TCF12: variants seen among roughly 807,000 people sequenced by gnomAD.
TCF12 encodes DNA-binding protein HTF4.
Under a neutral mutation model 86.0 loss-of-function variants are expected in TCF12, and 45 were observed. The observed-to-expected ratio is 0.52, with a 90% CI of 0.41 to 0.67. The LOEUF (loss-of-function observed/expected upper bound fraction) is 0.67. Ranked by LOEUF, TCF12 falls within the 30% of genes least tolerant of loss-of-function variation. TCF12 has a pLI of 0.00. For synonymous variants in TCF12, 330 were observed against 299.6 expected (o/e 1.10, Z -1.05); for missense variants, 881 against 859.9 (o/e 1.02, Z -0.31).
intron 8 of TCF12, among the ~76,000 whole-genome samples, chr15:57,225,920 T>C (rs2151895243): frequency 6.6e-6 from 1 of 152,106 alleles, no homozygotes; most frequent in Admixed American, 6.5e-5. Flanking sequence ...GCAGGTTAGT[T>C]ACATATGTAT....
intron 6 of TCF12, among the ~76,000 whole-genome samples, chr15:57,184,357 A>T (rs2056542183): frequency 6.6e-6 from 1 of 152,086 alleles, no homozygotes; most frequent in Non-Finnish European, 1.5e-5. Context: ...TGGTTTTTTG[A>T]CCCCTAATAT....
intron 5 of TCF12, among the ~76,000 whole-genome samples, chr15:57,104,993 C>T (rs1567432655): frequency 6.6e-6 from 1 of 151,178 alleles, no homozygotes; most frequent in Non-Finnish European, 1.5e-5. Context: ...CCTGCCTCAG[C>T]CTCCCAAGTA....
Position 56,983,630 on chromosome 15 carries a change from A to G in TCF12, c.148+62532A>G, listed in dbSNP as rs1210950105. On this transcript the variant is annotated intron_variant, in intron 3 of 20. Coordinates refer to ENST00000333725, the MANE Select transcript of TCF12 (RefSeq NM_207037.2). ...TCTGAATTGAAAAATACTAATATGC[A>G]TTTCAGTTCAGGTCAGGTTTTACCG... is the stretch of plus-strand genomic sequence containing the variant. Among the ~76,000 whole-genome samples, 2 of 152,118 alleles carry G rather than the reference A, an allele frequency of 1.3e-5. 1 individual carries two copies. Among genetic ancestry groups the G allele is most frequent in the African/African-American group, 4.8e-5 (2 of 41,422 alleles).
rs150874844 is a variant in TCF12, at chr15:57,155,965, A to G, written c.326-10437A>G. 7.1e-3 allele frequency among the ~76,000 whole-genome samples: 1,084 copies of G among 152,322 alleles called. 12 individuals are homozygous for G. Among genetic ancestry groups the G allele is most frequent in the African/African-American group, 0.025 (1,034 of 41,572 alleles). Reference sequence around the variant, plus strand: ...AATGTGCTTCATTTCTATATTACATAGGTAGAGGCTGTTGAGTCTCAGTAA... The same window carrying G: ...AATGTGCTTCATTTCTATATTACATGGGTAGAGGCTGTTGAGTCTCAGTAA... On this transcript the variant is annotated intron_variant, in intron 5 of 20. Transcript: ENST00000333725.
chr15:57,248,206 GC>G (rs2059949652), intron 13 of TCF12: 4 of 647,278 alleles, frequency 6.2e-6, no homozygotes, highest in Non-Finnish European at 8.2e-6. Flanking sequence ...TAATGCAGTT[GC>G]TTGCAAGAGA....
At chr15:57,224,185 C>G (rs114206795) in intron 8 of TCF12, among the ~76,000 whole-genome samples, 1,756 of 152,066 alleles carry the variant, frequency 0.012, 31 homozygotes, top group African/African-American at 0.04. Context: ...GTGTTCCTTT[C>G]CACTTGTATA....
chr15:56,967,524 C>T (rs1440344863), intron 3 of TCF12, among the ~76,000 whole-genome samples: 1 of 152,146 alleles, frequency 6.6e-6, no homozygotes, highest in East Asian at 1.9e-4. Flanking sequence ...CTGTTTAATT[C>T]ATTGAGTGAG....
downstream of TCF12, among the ~76,000 whole-genome samples, chr15:57,290,638 A>T (rs1412220217): frequency 1.3e-5 from 2 of 152,198 alleles, no homozygotes; most frequent in African/African-American, 4.8e-5. Context: ...CAAGCAGCCC[A>T]GTGAGGGTGT....
chr15:57,031,898 G>C lies in TCF12; in HGVS notation c.149-31852G>C, dbSNP rs552750761. Among the ~76,000 whole-genome samples the C allele has an allele frequency of 2.0e-5, 3 of 152,130 alleles. No homozygotes were observed. The East Asian group carries it at 5.8e-4, about 29-fold the overall frequency. On this transcript the variant is annotated intron_variant, in intron 3 of 20. Transcript: ENST00000333725. ...ATGGTAATGACATCAGCTGACAGCC[G>C]TTGCATGCAGGAACCAAAACTCTGA... is the stretch of plus-strand genomic sequence containing the variant.
At chr15:56,919,794 C>T (rs2059694750) in intron 1 of TCF12, 98 bp from the exon 2 acceptor site, 4 of 1,094,552 alleles carry the variant, frequency 3.7e-6, no homozygotes, top group African/African-American at 1.6e-5. Flanking sequence ...CCCGGCGCCC[C>T]CAGCGCTCTT....
At chr15:57,121,858 T>A (rs1423142135) in intron 5 of TCF12, among the ~76,000 whole-genome samples, 3 of 152,222 alleles carry the variant, frequency 2.0e-5, no homozygotes, top group Non-Finnish European at 4.4e-5. Context: ...GCTCTATTGT[T>A]CCTGGAATTC....
chr15:57,230,953 T>A (rs1473335501), intron 8 of TCF12, among the ~76,000 whole-genome samples, 199 bp from the exon 9 acceptor site: 1 of 114,186 alleles, frequency 8.8e-6, no homozygotes, highest in Admixed American at 8.1e-5. Context: ...AATAACCAGC[T>A]TAAAAAAAAA....
At chr15:56,944,728 C>T (rs754463755) in intron 3 of TCF12, among the ~76,000 whole-genome samples, 2 of 152,034 alleles carry the variant, frequency 1.3e-5, no homozygotes, top group Non-Finnish European at 1.5e-5. Context: ...CAGCAAGTCA[C>T]ACTACATTAA....
chr15:56,971,559 A>G (rs2062327301), intron 3 of TCF12, among the ~76,000 whole-genome samples: 1 of 152,154 alleles, frequency 6.6e-6, no homozygotes. Flanking sequence ...CTGGGCTGAG[A>G]GGAGGGGTCC....
intron 8 of TCF12, among the ~76,000 whole-genome samples, chr15:57,205,939 T>C (rs1270118261): frequency 6.6e-6 from 1 of 152,232 alleles, no homozygotes; most frequent in African/African-American, 2.4e-5. Context: ...TGATACTTGT[T>C]ATTGTTATTT....
chr15:56,921,296 C>A (rs190244549), intron 3 of TCF12, among the ~76,000 whole-genome samples, 198 bp downstream of exon 3: 1 of 151,870 alleles, frequency 6.6e-6, no homozygotes, highest in African/African-American at 2.4e-5. Context: ...TCAGTAGTTT[C>A]GTTTACAATT....
At chr15:57,251,078 G>A in intron 13 of TCF12, 1 of 332,298 alleles carries the variant, frequency 3.0e-6, no homozygotes, top group Non-Finnish European at 5.5e-6. Flanking sequence ...TAGGCATGTG[G>A]ACTAAGTCTA....
At chr15:57,246,990 T>C (rs1178819109) in intron 13 of TCF12, 4 of 542,592 alleles carry the variant, frequency 7.4e-6, no homozygotes, top group South Asian at 4.1e-5. Flanking sequence ...TCCACCACTT[T>C]CACCACCATG....
At chr15:56,958,693 G>A (rs1307485511) in intron 3 of TCF12, among the ~76,000 whole-genome samples, 2 of 63,386 alleles carry the variant, frequency 3.2e-5, no homozygotes, top group African/African-American at 6.0e-5. Context: ...GTGTGTGTGT[G>A]TGTGTGTGTG....
Sources: allele counts gnomAD v4.1 joint callset (sites outside exome capture counted in the v4.1 genomes callset), GRCh38; gene constraint gnomAD v4.1.1; transcripts MANE v1.5; gene names NCBI Gene and HGNC (gene_info 2026-07-23, HGNC 2026-07-21).